The following ULK3 variants were observed in gnomAD, a reference collection of about 807,000 sequenced individuals.
ULK3 encodes the protein unc-51 like kinase 3, also known as serine/threonine-protein kinase ULK3.
In ULK3, 54 loss-of-function variants were observed where a neutral mutation model predicts 69.4. The ratio of observed to expected loss-of-function variants is 0.78; its 90% CI spans 0.63 to 0.98. The LOEUF is 0.98. Ranked by LOEUF, ULK3 falls within the 50% of genes least tolerant of loss-of-function variation. ULK3 has a pLI of 0.00. For synonymous variants in ULK3, 240 were observed against 254.5 expected, an observed-to-expected ratio of 0.94 and a Z score of 0.54; for missense variants, 558 against 627.7, an observed-to-expected ratio of 0.89 and a Z score of 1.19.
rs2141128422 is a variant in ULK3, at chr15:74,836,911, T to C, written c.*317A>G. The C allele has an allele frequency of 3.4e-6, 1 of 290,386 alleles. No individual in the cohort carries two copies. Among genetic ancestry groups the C allele is most frequent in the East Asian group, 5.8e-5 (1 of 17,368 alleles). 18.0% of individuals were successfully genotyped at this position (290,386 alleles called of 1,614,324 possible). A position where few individuals can be genotyped will look rare whatever the true frequency, so the allele number is the denominator to read the frequency against. ...CTTGCCCTCTTCTCGGAGCCAAAAA[T>C]GATAGAGGGCTGCATGCCCCAAAAC... On this transcript the variant is annotated 3_prime_UTR_variant, in exon 16 of 16. Coordinates refer to ENST00000440863, the MANE Select transcript of ULK3 (RefSeq NM_001099436.4). This position sits in a 1 kb window ranked among gnomAD's most constrained non-coding sequence, Gnocchi z 4.0.
chr15:74,838,517 G>GA lies in ULK3; in HGVS notation c.1103-14dup. On this transcript the variant is annotated splice_polypyrimidine_tract_variant and intron_variant, in intron 10 of 15. Coordinates refer to ENST00000440863, the MANE Select transcript of ULK3 (RefSeq NM_001099436.4). ...TCCCGGGCCATCTCTGAGATGAGGG[G>GA]AAAGGCTCAGGGTGAGGGAAGCAAC... 1 of 1,570,238 alleles carries GA rather than the reference G, an allele frequency of 6.4e-7. No homozygotes were observed. Among genetic ancestry groups the GA allele is most frequent in the South Asian group, 1.2e-5 (1 of 85,568 alleles).
rs779695455 is a variant in ULK3 at position 74,840,245 on chromosome 15, G to C, written c.685C>G (p.Arg229Gly). ...SELEEKIRSN[R>G]VIELPLRPLL... ...CCTGCTAGACACACCTCGATGACCC[G>C]GTTGCTACGGATCTTCTCTTCCAGC... Residue 229 changes from arginine (R) to glycine (G), a missense_variant, in exon 6 of 16, where the codon CGG becomes GGG. Arg to Gly is a moderately radical substitution (Grantham distance 125, BLOSUM62 -2). Transcript: ENST00000440863. 2.5e-6 allele frequency: 4 copies of C among 1,609,562 alleles called. No homozygotes were observed. The highest frequency in any genetic ancestry group is 3.4e-6 in the Non-Finnish European group (4 of 1,178,218).
Position 74,842,305 on chromosome 15 carries a change from T to TG in ULK3, c.217dup (p.His73ProfsTer13), listed in dbSNP as rs1348193968. 1.2e-6 allele frequency: 2 copies of TG among 1,613,900 alleles called. No individual in the cohort carries two copies. Among genetic ancestry groups the TG allele is most frequent in the East Asian group, 2.2e-5 (1 of 44,902 alleles). On this transcript the variant is annotated frameshift_variant, in exon 2 of 16. Transcript: ENST00000440863. LOFTEE classifies it high-confidence loss of function. The surrounding 1 kb of genome is among the most constrained non-coding windows in gnomAD (Gnocchi z 4.9). ...CTGAAAGTCTTTCAGCTGCACAATG[T>TG]GGGGATGTCGAATGCCCTTGAGGAT...
rs1567230464 is a variant in ULK3 at position 74,836,419 on chromosome 15, C to CCT, written c.*807_*808dup. On this transcript the variant is annotated 3_prime_UTR_variant, in exon 16 of 16. Coordinates refer to ENST00000440863, the MANE Select transcript of ULK3 (RefSeq NM_001099436.4). This position sits in a 1 kb window ranked among gnomAD's most constrained non-coding sequence, Gnocchi z 4.0. ...CAGGGCTCCACGGCGGCAGGGCAGG[C>CCT]CTAGAAGTGGGTGGCCTAGAGGGCA... 1 of 152,228 alleles carries CCT rather than the reference C, an allele frequency of 6.6e-6. No individual in the cohort carries two copies. Among genetic ancestry groups the CCT allele is most frequent in the Admixed American group, 6.5e-5 (1 of 15,286 alleles). 9.4% of individuals were successfully genotyped at this position (152,228 alleles called of 1,614,324 possible). A position where few individuals can be genotyped will look rare whatever the true frequency, so the allele number is the denominator to read the frequency against.
At chr15:74,839,808 T>C (rs1041889705) in intron 6 of ULK3, 95 bp from the exon 7 acceptor site, 5 of 1,424,696 alleles carry the variant, frequency 3.5e-6, no homozygotes, top group Non-Finnish European at 4.6e-6. Flanking sequence ...AGGTACGCGT[T>C]GGACAGGTGG....
In ULK3 at chr15:74,840,538, G is replaced by A. The variant is rs370092870; in HGVS notation, c.573C>T (p.Asp191=). 3.8e-5 allele frequency: 61 copies of A among 1,610,546 alleles called. No individual in the cohort carries two copies. The East Asian group carries it at 4.0e-4, about 11-fold the overall frequency. ...CCATGGACCAGAGGTCCACGCGGGC[G>A]TCATACTGCCGCTGGCACACCATCT... The part of the protein sequence containing the change: ...APEMVCQRQY[D]ARVDLWSMGV... The change falls in exon 5 of 16, where the codon GAC becomes GAT. Residue 191 remains aspartate, a synonymous_variant. Coordinates refer to ENST00000440863, the MANE Select transcript of ULK3 (RefSeq NM_001099436.4).
At position 74,839,325 on chromosome 15, in the gene ULK3, C is replaced by T. The variant is rs1330430277; in HGVS notation, c.901G>A (p.Ala301Thr). Residue 301 changes from alanine to threonine, a missense_variant, in exon 8 of 16, where the codon GCA becomes ACA. Physicochemically the swap from Ala to Thr is moderately conservative, Grantham distance 58 (BLOSUM62 0). Transcript: ENST00000440863. ...TTGCAGTAGAGTGATAAGGCAGCTG[C>T]TGAATCCCCCTCCTGGTCTTTCTTC... Reference protein sequence around the residue: ...AVKKDQEGDSAAALSLYCKAL... With the variant: ...AVKKDQEGDSTAALSLYCKAL... The T allele has an allele frequency of 6.4e-7, 1 of 1,567,320 alleles. No individual in the cohort carries two copies. The highest frequency in any genetic ancestry group is 2.4e-5 in the East Asian group (1 of 42,176).
rs1462093161 is a variant in ULK3, at chr15:74,839,361, C to T, written c.865G>A (p.Val289Met). ...ESLGRATALV[V>M]QAVKKDQEGD... is the part of the protein sequence containing the mutation. Reference sequence around the variant, plus strand: ...TCCTGGTCTTTCTTCACAGCCTGCACCACCAGGGCGGTCTGGGGATGGGCA... The same window carrying T: ...TCCTGGTCTTTCTTCACAGCCTGCATCACCAGGGCGGTCTGGGGATGGGCA... The change falls in exon 8 of 16, where the codon GTG (valine) becomes ATG (methionine). Residue 289 changes from valine (V) to methionine (M), a missense_variant. Val to Met is a conservative substitution (Grantham distance 21). Transcript: ENST00000440863. 6.4e-7 allele frequency: 1 copy of T among 1,561,964 alleles called. No individual in the cohort carries two copies. The highest frequency in any genetic ancestry group is 1.9e-5 in the Admixed American group (1 of 52,430).
Position 74,837,222 on chromosome 15 carries a change from C to T in ULK3, c.*6G>A. On this transcript the variant is annotated 3_prime_UTR_variant, in exon 16 of 16. Coordinates refer to ENST00000440863, the MANE Select transcript of ULK3 (RefSeq NM_001099436.4). ...GGCTCACATCTGTCCAATCATTCTT[C>T]TAGGGTCACTGAAGGGTGCAAGCTA... is the stretch of plus-strand genomic sequence containing the variant. The T allele has an allele frequency of 6.4e-7, 1 of 1,561,262 alleles. No individual in the cohort carries two copies. The highest frequency in any genetic ancestry group is 8.7e-7 in the Non-Finnish European group (1 of 1,151,908).
chr15:74,836,279 T>C lies in ULK3; in HGVS notation c.*949A>G, dbSNP rs1159231084. 6.6e-6 allele frequency: 1 copy of C among 152,222 alleles called. No individual in the cohort carries two copies. Among genetic ancestry groups the C allele is most frequent in the African/African-American group, 2.4e-5 (1 of 41,464 alleles). 9.4% of individuals were successfully genotyped at this position (152,222 alleles called of 1,614,324 possible). Reference sequence around the variant, plus strand: ...TTAAAAGAAACTCTCAAATACATTCTTTTCCAGGTTAAATTCACTTTGTCC... The same window carrying C: ...TTAAAAGAAACTCTCAAATACATTCCTTTCCAGGTTAAATTCACTTTGTCC... On this transcript the variant is annotated 3_prime_UTR_variant, in exon 16 of 16. Transcript: ENST00000440863. This position sits in a 1 kb window ranked among gnomAD's most constrained non-coding sequence, Gnocchi z 4.0.
chr15:74,842,961 C>G lies in ULK3; in HGVS notation c.102+43G>C. On this transcript the variant is annotated intron_variant, in intron 1 of 15. Coordinates refer to ENST00000440863, the MANE Select transcript of ULK3 (RefSeq NM_001099436.4). This position sits in a 1 kb window ranked among gnomAD's most constrained non-coding sequence, Gnocchi z 4.9. ...CAGAGTCTCCCCGGCCGGCACCAGC[C>G]GAGCTAGCTCGGGCGGGCACGGGGC... 6.5e-7 allele frequency: 1 copy of G among 1,532,670 alleles called. No homozygotes were observed. Among genetic ancestry groups the G allele is most frequent in the Non-Finnish European group, 8.8e-7 (1 of 1,137,136 alleles). 94.9% of individuals were successfully genotyped at this position (1,532,670 alleles called of 1,614,324 possible).
intron 3 of ULK3, 30 bp from the exon 4 acceptor site, chr15:74,841,539 G>T (rs765109221): frequency 6.3e-7 from 1 of 1,598,468 alleles, no homozygotes; most frequent in South Asian, 1.1e-5. Context: ...AAGAGAGACA[G>T]TTCAGAGCCC....
rs1173837405 is a variant in ULK3 at position 74,842,844 on chromosome 15, A to G, written c.102+160T>C. On this transcript the variant is annotated intron_variant, in intron 1 of 15. Coordinates refer to ENST00000440863, the MANE Select transcript of ULK3 (RefSeq NM_001099436.4). The surrounding 1 kb of genome is among the most constrained non-coding windows in gnomAD (Gnocchi z 4.9). ...GTGCAGGTGCGCTCTTTAAGACCTA[A>G]GCGTGGCAGTCGGCTCCAACCTCCG... 3 of 1,344,134 alleles carry G rather than the reference A, an allele frequency of 2.2e-6. No individual in the cohort carries two copies. The highest frequency in any genetic ancestry group is 3.0e-6 in the Non-Finnish European group (3 of 1,002,830). 83.3% of individuals were successfully genotyped at this position (1,344,134 alleles called of 1,614,324 possible). A position where few individuals can be genotyped will look rare whatever the true frequency, so the allele number is the denominator to read the frequency against.
At position 74,837,130 on chromosome 15, in the gene ULK3, C is replaced by A; in HGVS notation, c.*98G>T. ...GCACTGTCCATCCAAGAAGCCTGCTCGCCAGGGCTGCAGTGGGCCACTTCA... is the reference window on the plus strand; with the variant it reads ...GCACTGTCCATCCAAGAAGCCTGCTAGCCAGGGCTGCAGTGGGCCACTTCA... On this transcript the variant is annotated 3_prime_UTR_variant, in exon 16 of 16. Coordinates refer to ENST00000440863, the MANE Select transcript of ULK3 (RefSeq NM_001099436.4). The A allele has an allele frequency of 6.8e-7, 1 of 1,462,256 alleles. No individual in the cohort carries two copies. Among genetic ancestry groups the A allele is most frequent in the South Asian group, 1.4e-5 (1 of 69,572 alleles). 90.6% of individuals were successfully genotyped at this position (1,462,256 alleles called of 1,614,324 possible). A position where few individuals can be genotyped will look rare whatever the true frequency, so the allele number is the denominator to read the frequency against.
intron 6 of ULK3, 131 bp from the exon 7 acceptor site, chr15:74,839,844 G>A: frequency 4.7e-6 from 6 of 1,274,672 alleles, no homozygotes; most frequent in Non-Finnish European, 6.3e-6. Flanking sequence ...GGAGGAACAG[G>A]ATGGGTCAGG....
chr15:74,837,196 T>C lies in ULK3; in HGVS notation c.*32A>G. ...TGGGTTAGTGCCCCTCTGCTCCAGA[T>C]GGCTCACATCTGTCCAATCATTCTT... On this transcript the variant is annotated 3_prime_UTR_variant, in exon 16 of 16. Coordinates refer to ENST00000440863, the MANE Select transcript of ULK3 (RefSeq NM_001099436.4). 1 of 1,532,186 alleles carries C rather than the reference T, an allele frequency of 6.5e-7. No homozygotes were observed. The highest frequency in any genetic ancestry group is 8.8e-7 in the Non-Finnish European group (1 of 1,138,938). 94.9% of individuals were successfully genotyped at this position (1,532,186 alleles called of 1,614,324 possible). A position where few individuals can be genotyped will look rare whatever the true frequency, so the allele number is the denominator to read the frequency against.
Position 74,838,340 on chromosome 15 carries a change from T to G in ULK3, c.1172A>C (p.Glu391Ala). The change falls in exon 12 of 16, where the codon GAG (glutamate) becomes GCG (alanine). Residue 391 changes from glutamate to alanine, a missense_variant. Physicochemically the swap from Glu to Ala is moderately radical, Grantham distance 107. Transcript: ENST00000440863. ...GGCATCCTGCTCCCCGCCGGCGGCC[T>G]CCTCCTGCAGCCACAAGGACACCAG... ...EVASAAMAKE[E>A]AAGGEQDALD... 2 of 1,568,456 alleles carry G rather than the reference T, an allele frequency of 1.3e-6. No homozygotes were observed. Among genetic ancestry groups the G allele is most frequent in the South Asian group, 2.3e-5 (2 of 85,380 alleles).
At chr15:74,838,956 A>G in intron 9 of ULK3, 54 bp downstream of exon 9, 1 of 1,560,080 alleles carries the variant, frequency 6.4e-7, no homozygotes, top group East Asian at 2.4e-5. Context: ...GGCCCCCGAG[A>G]TCTCCGGGCC....
chr15:74,841,509 G>C lies in ULK3; in HGVS notation c.365C>G (p.Ala122Gly). The C allele has an allele frequency of 5.6e-6, 9 of 1,613,744 alleles. No homozygotes were observed. The highest frequency in any genetic ancestry group is 7.6e-6 in the Non-Finnish European group (9 of 1,179,744). The change falls in exon 4 of 16, where the codon GCT becomes GGT. Residue 122 changes from alanine (A) to glycine (G), a missense_variant and splice_region_variant. Coordinates refer to ENST00000440863, the MANE Select transcript of ULK3 (RefSeq NM_001099436.4). ...TTCATGCAGGAATTGCAGGGCGCTA[G>C]CTGAGGAGCAGGACCCACGAAGAGA... Reference protein sequence around the residue: ...KVARVFMQQLASALQFLHERN... With the variant: ...KVARVFMQQLGSALQFLHERN...
Sources: gnomAD v4.1 joint callset for allele counts on GRCh38, gnomAD v4.1.1 for gene constraint, Gnocchi (gnomAD v3.1) non-coding constraint, MANE v1.5 for transcripts, NCBI Gene and HGNC (gene_info 2026-07-23, HGNC 2026-07-21) for gene names.